AGPAT4: variants seen among roughly 807,000 people sequenced by gnomAD.
AGPAT4 encodes the protein 1-acyl-sn-glycerol-3-phosphate acyltransferase delta.
A neutral mutation model predicts 48.0 loss-of-function variants in AGPAT4; 15 were observed. The ratio of observed to expected loss-of-function variants is 0.31; its 90% CI spans 0.21 to 0.48. AGPAT4 has a LOEUF of 0.48. AGPAT4 is among the 20% of genes least tolerant of loss of function. The pLI is 0.99. For synonymous variants in AGPAT4, 178 were observed against 198.7 expected, an observed-to-expected ratio of 0.90 and a Z score of 0.88; for missense variants, 314 against 482.5, an observed-to-expected ratio of 0.65 and a Z score of 3.27.
rs1346358563 is a variant in AGPAT4 at position 161,267,589 on chromosome 6, G to T, written c.-90+6349C>A. ...GCAAAAAAATTAGCCAGGTGTGGTGGCGCACCCCTATAGTCCCAGCTACTC... is the reference window on the plus strand; with the variant it reads ...GCAAAAAAATTAGCCAGGTGTGGTGTCGCACCCCTATAGTCCCAGCTACTC... On this transcript the variant is annotated intron_variant, in intron 1 of 8. Transcript: ENST00000320285. The surrounding 1 kb of genome is among the most constrained non-coding windows in gnomAD (Gnocchi z 5.2). Among the ~76,000 whole-genome samples, 1 of 151,978 alleles carries T rather than the reference G, an allele frequency of 6.6e-6. No individual in the cohort carries two copies. Among genetic ancestry groups the T allele is most frequent in the Non-Finnish European group, 1.5e-5 (1 of 67,988 alleles).
intron 1 of AGPAT4, among the ~76,000 whole-genome samples, chr6:161,237,613 T>A (rs1782326072): frequency 6.6e-6 from 1 of 152,218 alleles, no homozygotes; most frequent in Non-Finnish European, 1.5e-5. Context: ...AGTATAATTC[T>A]TAACTGTAAA....
intron 1 of AGPAT4, among the ~76,000 whole-genome samples, chr6:161,256,649 C>T (rs453493): frequency 1.1e-4 from 17 of 152,176 alleles, no homozygotes; most frequent in Non-Finnish European, 2.4e-4. Context: ...GAGGCAGAGA[C>T]GGCGTCTGAT....
Position 161,201,819 on chromosome 6 carries a change from C to T in AGPAT4, c.178+30217G>A, listed in dbSNP as rs1382388024. Among the ~76,000 whole-genome samples, 1 of 152,212 alleles carries T rather than the reference C, an allele frequency of 6.6e-6. No individual in the cohort carries two copies. Among genetic ancestry groups the T allele is most frequent in the Non-Finnish European group, 1.5e-5 (1 of 68,034 alleles). ...TTCTCTAACCAGTGCAAGAGGAAGT[C>T]CCATTTCACAGACAATTAACTGTAC... is the stretch of plus-strand genomic sequence containing the variant. On this transcript the variant is annotated intron_variant, in intron 2 of 8. Coordinates refer to ENST00000320285, the MANE Select transcript of AGPAT4 (RefSeq NM_020133.3). The surrounding 1 kb of genome is among the most constrained non-coding windows in gnomAD (Gnocchi z 6.0).
chr6:161,248,118 C>A (rs7739806), intron 1 of AGPAT4, among the ~76,000 whole-genome samples: 13,429 of 151,236 alleles, frequency 0.089, 671 homozygotes, highest in Middle Eastern at 0.19. Flanking sequence ...AGCTAGAAAA[C>A]CCCAGTCTCA....
rs1429869318 is a variant in AGPAT4 at position 161,153,448 on chromosome 6, T to C, written c.562A>G (p.Ser188Gly). 6.2e-7 allele frequency: 1 copy of C among 1,613,264 alleles called. No homozygotes were observed. Among genetic ancestry groups the C allele is most frequent in the Admixed American group, 1.7e-5 (1 of 59,920 alleles). ...TRFTEKKHEI[S>G]MQVARAKGLP... ...CCCTTGGCCCGGGCCACCTGCATGC[T>C]GATCTCATGCTTCTTCTCCGTGAAC... The change falls in exon 5 of 9, where the codon AGC (serine) becomes GGC (glycine). Residue 188 changes from serine to glycine, a missense_variant. Ser to Gly is a moderately conservative substitution (Grantham distance 56). Transcript: ENST00000320285.
At chr6:161,252,179 C>T (rs1486715128) in intron 1 of AGPAT4, among the ~76,000 whole-genome samples, 1 of 152,190 alleles carries the variant, frequency 6.6e-6, no homozygotes, top group Non-Finnish European at 1.5e-5. Context: ...GACAAAACTA[C>T]GGCCTCTGAC....
Position 161,139,555 on chromosome 6 carries a change from C to T in AGPAT4, c.909G>A (p.Arg303=). ...TFPETPMVPP[R]RPWTLVNWLF... ...GCCAGTTCACGAGGGTCCAGGGCCG[C>T]CGGGGGGGCACCATGGGCGTCTCTG... The change falls in exon 8 of 9, where the codon CGG becomes CGA. Residue 303 remains arginine (R), a synonymous_variant. Transcript: ENST00000320285. This position sits in a 1 kb window ranked among gnomAD's most constrained non-coding sequence, Gnocchi z 9.1. The T allele has an allele frequency of 2.5e-6, 4 of 1,614,044 alleles. No homozygotes were observed. The highest frequency in any genetic ancestry group is 3.4e-6 in the Non-Finnish European group (4 of 1,179,964).
intron 2 of AGPAT4, among the ~76,000 whole-genome samples, chr6:161,199,794 T>C (rs555841281): frequency 2.6e-4 from 39 of 152,322 alleles, no homozygotes; most frequent in African/African-American, 8.9e-4. Context: ...TCTTCCGCCA[T>C]GAGTGCAAGT....
At position 161,155,401 on chromosome 6, in the gene AGPAT4, C is replaced by T. The variant is rs75052458; in HGVS notation, c.349-1091G>A. Among the ~76,000 whole-genome samples the T allele has an allele frequency of 7.9e-3, 1,207 of 152,276 alleles. 20 individuals are homozygous for T. The highest frequency in any genetic ancestry group is 0.028 in the African/African-American group (1,149 of 41,538). On this transcript the variant is annotated intron_variant, in intron 3 of 8. Transcript: ENST00000320285. This position sits in a 1 kb window ranked among gnomAD's most constrained non-coding sequence, Gnocchi z 5.8. ...AGCCCTAAACCTAGGATGCCCACAGCGCAGAGAGCTCCGGCTTCAACACAG... is the reference window on the plus strand; with the variant it reads ...AGCCCTAAACCTAGGATGCCCACAGTGCAGAGAGCTCCGGCTTCAACACAG...
intron 2 of AGPAT4, among the ~76,000 whole-genome samples, chr6:161,210,511 T>C (rs996138269): frequency 2.0e-5 from 3 of 152,152 alleles, no homozygotes; most frequent in African/African-American, 7.2e-5. Context: ...CTACTGAAAA[T>C]ATATAAAGAG....
In AGPAT4 at chr6:161,264,149, C is replaced by T. The variant is rs773901447; in HGVS notation, c.-90+9789G>A. On this transcript the variant is annotated intron_variant, in intron 1 of 8. Transcript: ENST00000320285. This position sits in a 1 kb window ranked among gnomAD's most constrained non-coding sequence, Gnocchi z 6.8. The stretch of plus-strand genomic sequence containing the variant: ...TTATAAGGTGTAATATGATAAGTGA[C>T]CATTTGGGAAGAATATGATTGGAAA... Among the ~76,000 whole-genome samples, 2 of 152,116 alleles carry T rather than the reference C, an allele frequency of 1.3e-5. No individual in the cohort carries two copies. The highest frequency in any genetic ancestry group is 3.9e-4 in the East Asian group (2 of 5,174).
In AGPAT4 at chr6:161,136,298, T is replaced by A; in HGVS notation, c.*242A>T. On this transcript the variant is annotated 3_prime_UTR_variant, in exon 9 of 9. Coordinates refer to ENST00000320285, the MANE Select transcript of AGPAT4 (RefSeq NM_020133.3). ...AAAGTTCACACTCACCACACAGCCA[T>A]TCTCACACACACTCGCACAAAAAGA... 18 of 459,992 alleles carry A rather than the reference T, an allele frequency of 3.9e-5. No homozygotes were observed. The highest frequency in any genetic ancestry group is 1.3e-4 in the East Asian group (3 of 23,888). The allele number at this position is 459,992 out of a possible 1,614,324, so 28.5% of individuals were successfully genotyped here.
At position 161,233,875 on chromosome 6, in the gene AGPAT4, G is replaced by T. The variant is rs1782195817; in HGVS notation, c.-89-1573C>A. Among the ~76,000 whole-genome samples, 1 of 152,154 alleles carries T rather than the reference G, an allele frequency of 6.6e-6. No individual in the cohort carries two copies. The highest frequency in any genetic ancestry group is 2.4e-5 in the African/African-American group (1 of 41,428). ...TTCACACATGTGATCTCATTTTAAG[G>T]CTCCTATGAATCCCACAAGACGAGT... On this transcript the variant is annotated intron_variant, in intron 1 of 8. Coordinates refer to ENST00000320285, the MANE Select transcript of AGPAT4 (RefSeq NM_020133.3). The surrounding 1 kb of genome is among the most constrained non-coding windows in gnomAD (Gnocchi z 5.4).
rs1781963936 is a variant in AGPAT4 at position 161,225,801 on chromosome 6, G to A, written c.178+6235C>T. 6.6e-6 allele frequency among the ~76,000 whole-genome samples: 1 copy of A among 152,200 alleles called. No homozygotes were observed. The highest frequency in any genetic ancestry group is 2.1e-4 in the South Asian group (1 of 4,832). On this transcript the variant is annotated intron_variant, in intron 2 of 8. Transcript: ENST00000320285. The surrounding 1 kb of genome is among the most constrained non-coding windows in gnomAD (Gnocchi z 5.0). ...AAAGGTTGTCCCAACAGATAAACTC[G>A]TGGGCCGCTTGCTCAGTCCAGGAGG...
At position 161,251,352 on chromosome 6, in the gene AGPAT4, G is replaced by A. The variant is rs891667482; in HGVS notation, c.-89-19050C>T. On this transcript the variant is annotated intron_variant, in intron 1 of 8. Coordinates refer to ENST00000320285, the MANE Select transcript of AGPAT4 (RefSeq NM_020133.3). The surrounding 1 kb of genome is among the most constrained non-coding windows in gnomAD (Gnocchi z 4.6). ...CTCCTACATCGAATACCAATAAACAGACATGAATTGAACTGTAGGGGTCAA... is the reference window on the plus strand; with the variant it reads ...CTCCTACATCGAATACCAATAAACAAACATGAATTGAACTGTAGGGGTCAA... Among the ~76,000 whole-genome samples the A allele has an allele frequency of 6.6e-6, 1 of 152,164 alleles. No individual in the cohort carries two copies.
Position 161,130,204 on chromosome 6 carries a change from A to G in AGPAT4, c.*6336T>C, listed in dbSNP as rs1032268676. On this transcript the variant is annotated 3_prime_UTR_variant, in exon 9 of 9. Transcript: ENST00000320285. Reference sequence around the variant, plus strand: ...TTCATTCGGTCCAAACATCCACCCAATCCACACGTTCTCTCAAAGACTAGC... The same window carrying G: ...TTCATTCGGTCCAAACATCCACCCAGTCCACACGTTCTCTCAAAGACTAGC... 1.3e-5 allele frequency: 2 copies of G among 152,098 alleles called. No individual in the cohort carries two copies. The highest frequency in any genetic ancestry group is 4.8e-5 in the African/African-American group (2 of 41,408). The allele number at this position is 152,098 out of a possible 1,614,324, so 9.4% of individuals were successfully genotyped here. A position where few individuals can be genotyped will look rare whatever the true frequency, so the allele number is the denominator to read the frequency against.
At position 161,200,680 on chromosome 6, in the gene AGPAT4, T is replaced by C. The variant is rs1264146335; in HGVS notation, c.178+31356A>G. ...GACTAGGGACACCATAGGTCCCTCC[T>C]CTGCTCTTTGTAAAGAATCGGGGAC... is the stretch of plus-strand genomic sequence containing the variant. On this transcript the variant is annotated intron_variant, in intron 2 of 8. Coordinates refer to ENST00000320285, the MANE Select transcript of AGPAT4 (RefSeq NM_020133.3). The surrounding 1 kb of genome is among the most constrained non-coding windows in gnomAD (Gnocchi z 5.5). 1.3e-5 allele frequency among the ~76,000 whole-genome samples: 2 copies of C among 152,242 alleles called. No homozygotes were observed. The highest frequency in any genetic ancestry group is 2.9e-5 in the Non-Finnish European group (2 of 68,044).
In AGPAT4 at chr6:161,144,378, A is replaced by G. The variant is rs1035684101; in HGVS notation, c.843+2146T>C. 7.2e-5 allele frequency: 26 copies of G among 359,948 alleles called. No individual in the cohort carries two copies. Among genetic ancestry groups the G allele is most frequent in the Non-Finnish European group, 1.2e-4 (21 of 179,802 alleles). 22.3% of individuals were successfully genotyped at this position (359,948 alleles called of 1,614,324 possible). ...ACCTGAATTTCCTCATCAGTAGTGT[A>G]AGAGCTTTGGAGTAGATGATCACTT... On this transcript the variant is annotated intron_variant, in intron 7 of 8. Coordinates refer to ENST00000320285, the MANE Select transcript of AGPAT4 (RefSeq NM_020133.3). This position sits in a 1 kb window ranked among gnomAD's most constrained non-coding sequence, Gnocchi z 6.6.
Position 161,183,762 on chromosome 6 carries a change from C to A in AGPAT4, c.179-17345G>T, listed in dbSNP as rs1034917299. On this transcript the variant is annotated intron_variant, in intron 2 of 8. Transcript: ENST00000320285. ...GGGAGGGGAGGGGAGGGAGGCTGAT[C>A]CTTCTGGGGGGCCCAGAAGGCCTCT... Among the ~76,000 whole-genome samples the A allele has an allele frequency of 9.8e-4, 138 of 140,698 alleles. 1 individual carries two copies. Among genetic ancestry groups the A allele is most frequent in the African/African-American group, 3.7e-3 (135 of 36,302 alleles). The allele number at this position is 140,698 out of a possible 152,430, so 92.3% of individuals were successfully genotyped here. A position where few individuals can be genotyped will look rare whatever the true frequency, so the allele number is the denominator to read the frequency against.
Sources: gnomAD v4.1 joint callset for allele counts (sites outside exome capture counted in the v4.1 genomes callset) on GRCh38, gnomAD v4.1.1 for gene constraint, Gnocchi (gnomAD v3.1) non-coding constraint, MANE v1.5 for transcripts, NCBI Gene and HGNC (gene_info 2026-07-23, HGNC 2026-07-21) for gene names.